The following JMJD1C variants were observed in gnomAD, a reference collection of about 807,000 sequenced individuals.
The protein encoded by JMJD1C is jumonji domain-containing protein 1C.
A neutral mutation model predicts 245.3 loss-of-function variants in JMJD1C; 31 were observed. The ratio of observed to expected loss-of-function variants is 0.13; its 90% CI spans 0.09 to 0.17. The LOEUF is 0.17. JMJD1C is among the 10% of genes least tolerant of loss of function. JMJD1C has a pLI of 1.00. For missense variants in JMJD1C, 2,691 were observed against 3,000.2 expected (o/e 0.90, Z 2.41); for synonymous variants, 1,057 against 1,017.4 (o/e 1.04, Z -0.74).
At position 63,325,106 on chromosome 10, in the gene JMJD1C, T is replaced by G. The variant is rs560307912; in HGVS notation, c.333+55212A>C. On this transcript the variant is annotated intron_variant, in intron 2 of 25. Coordinates refer to ENST00000399262, the MANE Select transcript of JMJD1C (RefSeq NM_032776.3). ...GATGTCCTATTAGGGACAAACTTAG[T>G]AATCAAGCTCATAGCTACTGATATA... Among the ~76,000 whole-genome samples the G allele has an allele frequency of 3.9e-5, 6 of 152,336 alleles. No individual in the cohort carries two copies. In the East Asian group the frequency reaches 1.2e-3, roughly 29 times the overall value.
intron 2 of JMJD1C, among the ~76,000 whole-genome samples, chr10:63,346,274 G>A (rs1483800792): frequency 1.3e-5 from 2 of 152,112 alleles, no homozygotes; most frequent in Non-Finnish European, 2.9e-5. Context: ...CTGAGTAGCT[G>A]AGAAGCAACT....
chr10:63,255,712 T>A (rs142189360), intron 3 of JMJD1C, among the ~76,000 whole-genome samples: 1 of 152,198 alleles, frequency 6.6e-6, no homozygotes, highest in African/African-American at 2.4e-5. Flanking sequence ...TAAATTAATA[T>A]ATATCCTGAA....
intron 1 of JMJD1C, among the ~76,000 whole-genome samples, chr10:63,449,842 G>A (rs1009430928): frequency 6.6e-6 from 1 of 152,138 alleles, no homozygotes; most frequent in Admixed American, 6.5e-5. Flanking sequence ...TAGGCCAGGT[G>A]TGACGGTTCT....
chr10:63,293,599 C>A (rs1390281390), intron 2 of JMJD1C, among the ~76,000 whole-genome samples: 1 of 152,138 alleles, frequency 6.6e-6, no homozygotes, highest in African/African-American at 2.4e-5. Flanking sequence ...TTTATAATCA[C>A]ATGTGATCTA....
chr10:63,319,917 C>G (rs1252487967), intron 2 of JMJD1C, among the ~76,000 whole-genome samples: 2 of 152,200 alleles, frequency 1.3e-5, no homozygotes, highest in Non-Finnish European at 1.5e-5. Context: ...GCACATGCCA[C>G]CACACCCAGC....
At chr10:63,373,780 G>T (rs1946502741) in intron 2 of JMJD1C, among the ~76,000 whole-genome samples, 1 of 152,034 alleles carries the variant, frequency 6.6e-6, no homozygotes, top group Non-Finnish European at 1.5e-5. Context: ...TACGCTGTAG[G>T]AATTTTAAAA....
intron 2 of JMJD1C, among the ~76,000 whole-genome samples, chr10:63,369,764 C>T (rs1441674676): frequency 6.6e-6 from 1 of 152,110 alleles, no homozygotes. Context: ...GAAAAAGATG[C>T]CTGGGCTTCC....
chr10:63,461,285 G>T (rs938125288), intron 1 of JMJD1C, among the ~76,000 whole-genome samples: 1 of 152,092 alleles, frequency 6.6e-6, no homozygotes, highest in Non-Finnish European at 1.5e-5. Context: ...TATCAAGATC[G>T]TATTGACCAA....
intron 2 of JMJD1C, among the ~76,000 whole-genome samples, chr10:63,362,893 A>G (rs1254894465): frequency 6.6e-6 from 1 of 152,002 alleles, no homozygotes. Context: ...CTATTGAAAA[A>G]CACTTTGTGA....
chr10:63,387,416 A>G (rs1443376806), intron 1 of JMJD1C, among the ~76,000 whole-genome samples: 1 of 152,044 alleles, frequency 6.6e-6, no homozygotes, highest in Admixed American at 6.5e-5. Context: ...AGAAAATAAT[A>G]CAAAGAAAAG....
intron 2 of JMJD1C, among the ~76,000 whole-genome samples, chr10:63,278,251 T>G (rs1021310014): frequency 2.0e-5 from 3 of 151,652 alleles, no homozygotes; most frequent in African/African-American, 7.3e-5. Flanking sequence ...TTTGGGAAGT[T>G]GAGGTAGGCA....
intron 8 of JMJD1C, among the ~76,000 whole-genome samples, chr10:63,209,728 A>C (rs1847098555): frequency 6.6e-6 from 1 of 152,226 alleles, no homozygotes; most frequent in South Asian, 2.1e-4. Context: ...TTACATTTCA[A>C]AACCCAAATG....
intron 1 of JMJD1C, among the ~76,000 whole-genome samples, chr10:63,392,513 TA>T (rs928133063): frequency 2.6e-5 from 4 of 151,080 alleles, no homozygotes; most frequent in African/African-American, 4.9e-5. Context: ...CTCAACAGTT[TA>T]AAAAAAAATC....
At chr10:63,278,440 C>T (rs1483377554) in intron 2 of JMJD1C, among the ~76,000 whole-genome samples, 2 of 151,856 alleles carry the variant, frequency 1.3e-5, no homozygotes, top group South Asian at 2.1e-4. Flanking sequence ...GCAGGAATCG[C>T]TTGAACCCAG....
At chr10:63,317,320 CATG>C (rs1318146192) in intron 2 of JMJD1C, among the ~76,000 whole-genome samples, 1 of 152,124 alleles carries the variant, frequency 6.6e-6, no homozygotes, top group Non-Finnish European at 1.5e-5. Flanking sequence ...CTCTGGCCAA[CATG>C]ATGAAACCCC....
intron 22 of JMJD1C, among the ~76,000 whole-genome samples, chr10:63,181,810 A>G (rs1589072074): frequency 6.6e-6 from 1 of 152,322 alleles, no homozygotes; most frequent in Non-Finnish European, 1.5e-5. Flanking sequence ...ACAAACTACA[A>G]TGAGATACAA....
At chr10:63,427,418 A>C (rs1219269816) in intron 1 of JMJD1C, 2 of 1,119,226 alleles carry the variant, frequency 1.8e-6, no homozygotes, top group Non-Finnish European at 2.6e-6. Flanking sequence ...GACACAGTAC[A>C]CCGGGAGGTG....
intron 1 of JMJD1C, among the ~76,000 whole-genome samples, chr10:63,409,943 A>G (rs1949387885): frequency 6.6e-6 from 1 of 152,118 alleles, no homozygotes; most frequent in Admixed American, 6.6e-5. Flanking sequence ...TGGGATTTTT[A>G]ATTTCCTTTA....
At chr10:63,342,932 T>C (rs986582457) in intron 2 of JMJD1C, among the ~76,000 whole-genome samples, 4 of 152,206 alleles carry the variant, frequency 2.6e-5, no homozygotes, top group Non-Finnish European at 5.9e-5. Flanking sequence ...TAAACAAATT[T>C]TGTGTTTAGA....
Sources: allele counts gnomAD v4.1 joint callset (sites outside exome capture counted in the v4.1 genomes callset), GRCh38; gene constraint gnomAD v4.1.1; transcripts MANE v1.5; gene names NCBI Gene and HGNC (gene_info 2026-07-23, HGNC 2026-07-21).